RNF6: variants seen among roughly 807,000 people sequenced by gnomAD.
RNF6 encodes the protein E3 ubiquitin-protein ligase RNF6.
Under a neutral mutation model 50.1 loss-of-function variants are expected in RNF6, and 21 were observed. That is an observed-to-expected ratio of 0.42 (90% CI 0.30 to 0.60). The LOEUF (loss-of-function observed/expected upper bound fraction) is 0.60, where lower values mean the gene tolerates loss of function less well. Ranked by LOEUF, RNF6 falls within the 20% of genes least tolerant of loss-of-function variation. The pLI, the probability that RNF6 is intolerant of heterozygous loss-of-function variation, is 0.20. For synonymous variants in RNF6, 255 were observed against 291.8 expected (o/e 0.87, Z 1.29); for missense variants, 698 against 838.2 (o/e 0.83, Z 2.07).
chr13:26,212,360 T>C (rs1869363205), downstream of RNF6, among the ~76,000 whole-genome samples: 1 of 152,198 alleles, frequency 6.6e-6, no homozygotes, highest in Non-Finnish European at 1.5e-5. Context: ...TCACAACTTT[T>C]ATGAAAACCT....
chr13:26,173,707 A>C (rs1267408863), intron 5 of RNF6, among the ~76,000 whole-genome samples: 2 of 151,956 alleles, frequency 1.3e-5, no homozygotes, highest in African/African-American at 4.8e-5. Context: ...AAAAAAAAGC[A>C]TTTGGGAGGC....
chr13:26,150,001 G>T (rs558571410), intron 5 of RNF6, among the ~76,000 whole-genome samples: 1,260 of 101,812 alleles, frequency 0.012, 60 homozygotes, highest in African/African-American at 0.046. Flanking sequence ...TATATACACA[G>T]TGTATATATA....
chr13:26,179,717 A>C (rs1873142187), intron 5 of RNF6, among the ~76,000 whole-genome samples: 1 of 152,150 alleles, frequency 6.6e-6, no homozygotes, highest in South Asian at 2.1e-4. Flanking sequence ...AGTCCACCTC[A>C]CACACCCAGC....
intron 5 of RNF6, among the ~76,000 whole-genome samples, chr13:26,201,308 G>A (rs1244804553): frequency 1.3e-5 from 2 of 152,210 alleles, no homozygotes; most frequent in African/African-American, 4.8e-5. Context: ...ACCCATGGGA[G>A]CCAGAAGCTG....
chr13:26,159,715 G>A (rs1872110531), intron 5 of RNF6, among the ~76,000 whole-genome samples: 1 of 151,952 alleles, frequency 6.6e-6, no homozygotes. Flanking sequence ...TCCTGCCTAG[G>A]GAATTCCTCA....
intron 5 of RNF6, among the ~76,000 whole-genome samples, chr13:26,166,842 A>T (rs1474194922): frequency 6.6e-6 from 1 of 152,046 alleles, no homozygotes; most frequent in Non-Finnish European, 1.5e-5. Flanking sequence ...ACCACTTGAA[A>T]CCAGGAGGCA....
At chr13:26,187,496 C>T (rs377631646) in intron 5 of RNF6, among the ~76,000 whole-genome samples, 88 of 152,286 alleles carry the variant, frequency 5.8e-4, no homozygotes, top group Middle Eastern at 3.4e-3. Context: ...TCCCTGGCCC[C>T]CTCTGGTGAA....
intron 5 of RNF6, among the ~76,000 whole-genome samples, chr13:26,164,970 G>A (rs553444701): frequency 1.2e-4 from 19 of 152,238 alleles, no homozygotes; most frequent in African/African-American, 4.1e-4. Context: ...ACAATGAGCC[G>A]AATGTTAATC....
intron 4 of RNF6, among the ~76,000 whole-genome samples, chr13:26,218,169 G>T (rs1011706853): frequency 6.6e-6 from 1 of 152,086 alleles, no homozygotes; most frequent in Non-Finnish European, 1.5e-5. Flanking sequence ...CTTTCTACAC[G>T]GTTCTGTATA....
At chr13:26,167,994 A>G (rs1223656489) in intron 5 of RNF6, among the ~76,000 whole-genome samples, 1 of 152,230 alleles carries the variant, frequency 6.6e-6, no homozygotes, top group African/African-American at 2.4e-5. Context: ...GAGCTAAATG[A>G]TGAGAACACA....
intron 5 of RNF6, among the ~76,000 whole-genome samples, chr13:26,163,050 C>T (rs1872285068): frequency 1.3e-5 from 2 of 152,086 alleles, no homozygotes; most frequent in South Asian, 4.1e-4. Context: ...GTGGCTCATG[C>T]CTGTAATCCC....
chr13:26,169,341 G>A lies in RNF6; in HGVS notation n.769-36890C>T, dbSNP rs377750447. On this transcript the variant is annotated intron_variant and non_coding_transcript_variant, in intron 5 of 5. Transcript: ENST00000468480. ...AGAAGGGCAAGGAGTAGGGAAAGAC[G>A]AAAGGGGAGGAGGGCAAGGGGAGAT... 5.1e-4 allele frequency among the ~76,000 whole-genome samples: 77 copies of A among 152,104 alleles called. No homozygotes were observed. The South Asian group carries it at 5.6e-3, about 11-fold the overall frequency.
intron 5 of RNF6, among the ~76,000 whole-genome samples, chr13:26,171,300 C>T (rs1169659458): frequency 2.6e-5 from 4 of 152,126 alleles, no homozygotes; most frequent in African/African-American, 9.7e-5. Flanking sequence ...AGATCCTCAA[C>T]ATCAGTAGTC....
intron 5 of RNF6, among the ~76,000 whole-genome samples, chr13:26,132,867 T>C (rs1870464752): frequency 6.6e-6 from 1 of 152,196 alleles, no homozygotes; most frequent in Admixed American, 6.5e-5. Context: ...AAAGGTCTTG[T>C]TAAAATACAG....
At chr13:26,138,381 T>G (rs1051927524) in intron 5 of RNF6, among the ~76,000 whole-genome samples, 5 of 152,152 alleles carry the variant, frequency 3.3e-5, no homozygotes, top group African/African-American at 9.6e-5. Context: ...AAATGAAAGG[T>G]TACTAAACTG....
At chr13:26,218,395 G>A in intron 4 of RNF6, 116 bp downstream of exon 4, 2 of 731,772 alleles carry the variant, frequency 2.7e-6, no homozygotes, top group Admixed American at 2.1e-5. Flanking sequence ...ATCTGAATGA[G>A]TATCACATTA....
intron 5 of RNF6, among the ~76,000 whole-genome samples, chr13:26,152,728 A>G (rs1871684904): frequency 6.6e-6 from 1 of 152,186 alleles, no homozygotes; most frequent in Admixed American, 6.5e-5. Flanking sequence ...ATGATTTTAA[A>G]CTTCCTGGGA....
intron 5 of RNF6, among the ~76,000 whole-genome samples, chr13:26,151,740 A>G (rs1871613055): frequency 6.6e-6 from 1 of 151,950 alleles, no homozygotes; most frequent in Non-Finnish European, 1.5e-5. Context: ...TATGAGAAAT[A>G]AAGTTCCCAA....
At chr13:26,173,503 A>G (rs926603348) in intron 5 of RNF6, among the ~76,000 whole-genome samples, 2 of 152,216 alleles carry the variant, frequency 1.3e-5, no homozygotes, top group African/African-American at 4.8e-5. Context: ...AAATGTTTAA[A>G]AAGCCCTACA....
Sources: allele counts gnomAD v4.1 joint callset (sites outside exome capture counted in the v4.1 genomes callset), GRCh38; gene constraint gnomAD v4.1.1; transcripts MANE v1.5; gene names NCBI Gene and HGNC (gene_info 2026-07-23, HGNC 2026-07-21).